TRAPPC9: variants seen among roughly 807,000 people sequenced by gnomAD.
TRAPPC9 encodes the protein IKK2 binding protein.
Under a neutral mutation model 124.0 loss-of-function variants are expected in TRAPPC9, and 83 were observed. The ratio of observed to expected loss-of-function variants is 0.67; its 90% CI spans 0.56 to 0.80. The LOEUF (loss-of-function observed/expected upper bound fraction) is 0.80. Ranked by LOEUF, TRAPPC9 falls within the 30% of genes least tolerant of loss-of-function variation. The pLI is 0.00. For synonymous variants in TRAPPC9, 638 were observed against 617.5 expected, an observed-to-expected ratio of 1.03 and a Z score of -0.49; for missense variants, 1,302 against 1,508.3, an observed-to-expected ratio of 0.86 and a Z score of 2.27.
chr8:140,197,699 CT>C (rs966724401), intron 17 of TRAPPC9, among the ~76,000 whole-genome samples: 43 of 152,096 alleles, frequency 2.8e-4, no homozygotes, highest in African/African-American at 9.9e-4. Flanking sequence ...CTCCCTGTTG[CT>C]TTTTAAAACA....
chr8:140,135,644 G>A lies in TRAPPC9; in HGVS notation c.2556+85815C>T, dbSNP rs142865711. 1.9e-3 allele frequency among the ~76,000 whole-genome samples: 287 copies of A among 152,330 alleles called. 1 individual carries two copies. The highest frequency in any genetic ancestry group is 6.5e-3 in the African/African-American group (271 of 41,578). On this transcript the variant is annotated intron_variant, in intron 17 of 22. Coordinates refer to ENST00000438773, the MANE Select transcript of TRAPPC9 (RefSeq NM_001160372.4). ...CCAGGTGCTAGGAGTATGGAAGAAC[G>A]AGGAATTATTGCTTCGTGGATACAG...
At position 140,297,408 on chromosome 8, in the gene TRAPPC9, TACACATATACACACGCATACAC is replaced by T. The variant is rs1211619368; in HGVS notation, c.1768+3039_1768+3060del. On this transcript the variant is annotated intron_variant, in intron 11 of 22. Transcript: ENST00000438773. ...ACATGCATACACACATACAGATGCA[TACACATATACACACGCATACAC>T]ACACATACACACATACAGATACACA... 2.0e-5 allele frequency among the ~76,000 whole-genome samples: 3 copies of T among 151,782 alleles called. No individual in the cohort carries two copies. The East Asian group carries it at 5.8e-4, about 29-fold the overall frequency.
intron 19 of TRAPPC9, among the ~76,000 whole-genome samples, chr8:139,943,161 G>C (rs1013152175): frequency 1.3e-5 from 2 of 152,208 alleles, no homozygotes; most frequent in African/African-American, 4.8e-5. Context: ...CCGCCACCTG[G>C]GTTCAAGCGA....
At chr8:140,196,628 TCAA>T (rs1264380399) in intron 17 of TRAPPC9, among the ~76,000 whole-genome samples, 2 of 135,674 alleles carry the variant, frequency 1.5e-5, no homozygotes, top group African/African-American at 5.7e-5. Flanking sequence ...ACTAAAACAC[TCAA>T]CAATCCACTG....
chr8:139,879,276 T>C (rs1209993349), intron 21 of TRAPPC9, among the ~76,000 whole-genome samples: 1 of 152,054 alleles, frequency 6.6e-6, no homozygotes, highest in Non-Finnish European at 1.5e-5. Context: ...GAGGAGTGGG[T>C]GGGTCCGAGA....
At chr8:140,349,158 TGGGGGCGCACGAAGGAA>T (rs1173137244) in intron 9 of TRAPPC9, among the ~76,000 whole-genome samples, 25 of 25,616 alleles carry the variant, frequency 9.8e-4, no homozygotes, top group African/African-American at 3.2e-3. Flanking sequence ...CGGGGGCCGA[TGGGGGCGCACGAAGGAA>T]GGACACACCA....
intron 21 of TRAPPC9, among the ~76,000 whole-genome samples, chr8:139,837,771 C>T (rs1826454768): frequency 6.6e-6 from 1 of 152,204 alleles, no homozygotes; most frequent in South Asian, 2.1e-4. Flanking sequence ...CCAGGAGCCC[C>T]TCGGCCCTCC....
At chr8:140,255,840 C>A (rs1469693118) in intron 15 of TRAPPC9, among the ~76,000 whole-genome samples, 1 of 152,166 alleles carries the variant, frequency 6.6e-6, no homozygotes, top group East Asian at 1.9e-4. Flanking sequence ...GAGTCAAGGT[C>A]GCGCCACTAC....
intron 17 of TRAPPC9, among the ~76,000 whole-genome samples, chr8:140,206,777 A>T (rs576989757): frequency 9.2e-5 from 14 of 151,450 alleles, no homozygotes; most frequent in East Asian, 1.9e-4. Flanking sequence ...ATATATATTT[A>T]AAAAGCCCGT....
At chr8:139,842,580 G>A (rs998741144) in intron 21 of TRAPPC9, among the ~76,000 whole-genome samples, 13 of 151,018 alleles carry the variant, frequency 8.6e-5, no homozygotes, top group East Asian at 2.0e-4. Flanking sequence ...ATCAACATCC[G>A]CTCTCGCCTT....
chr8:140,025,428 A>G (rs921417557), intron 17 of TRAPPC9, among the ~76,000 whole-genome samples: 13 of 152,356 alleles, frequency 8.5e-5, no homozygotes, highest in African/African-American at 3.1e-4. Context: ...TGCGGCTGGC[A>G]AAGCTTAAAA....
intron 17 of TRAPPC9, among the ~76,000 whole-genome samples, chr8:140,028,406 A>G (rs756708373): frequency 1.3e-5 from 2 of 152,192 alleles, no homozygotes; most frequent in Admixed American, 1.3e-4. Context: ...ACCTTTTATT[A>G]AAGAGTACCT....
intron 17 of TRAPPC9, among the ~76,000 whole-genome samples, chr8:140,045,024 T>C (rs1438642999): frequency 6.6e-6 from 1 of 152,138 alleles, no homozygotes; most frequent in African/African-American, 2.4e-5. Context: ...AGATGCAGAA[T>C]GAAGGCATAG....
chr8:140,027,282 A>G (rs535433376), intron 17 of TRAPPC9, among the ~76,000 whole-genome samples: 59 of 152,308 alleles, frequency 3.9e-4, no homozygotes, highest in Admixed American at 2.0e-3. Context: ...AAGCCAACCA[A>G]CCACCTAACA....
chr8:139,879,349 C>A (rs887570905), intron 21 of TRAPPC9, among the ~76,000 whole-genome samples: 6 of 152,210 alleles, frequency 3.9e-5, no homozygotes, highest in African/African-American at 1.4e-4. Flanking sequence ...GATGTGGACC[C>A]TGCACCACAC....
chr8:140,102,069 C>T (rs2060590326), intron 17 of TRAPPC9, among the ~76,000 whole-genome samples: 1 of 151,980 alleles, frequency 6.6e-6, no homozygotes, highest in African/African-American at 2.4e-5. Flanking sequence ...GTTTTATATG[C>T]TGTTTTGTTG....
chr8:139,995,881 A>C (rs1837932895), intron 18 of TRAPPC9, among the ~76,000 whole-genome samples: 1 of 150,780 alleles, frequency 6.6e-6, no homozygotes, highest in Non-Finnish European at 1.5e-5. Context: ...AAAAAAAAAA[A>C]AAGTACCAAC....
At chr8:140,437,769 A>C (rs1279576197) in intron 3 of TRAPPC9, among the ~76,000 whole-genome samples, 1 of 152,176 alleles carries the variant, frequency 6.6e-6, no homozygotes, top group East Asian at 1.9e-4. Flanking sequence ...ACCTCAACGA[A>C]AGAACCCTGT....
chr8:139,741,810 T>G (rs1320836911), intron 21 of TRAPPC9, among the ~76,000 whole-genome samples: 1 of 152,136 alleles, frequency 6.6e-6, no homozygotes, highest in Non-Finnish European at 1.5e-5. Context: ...TCGCAGAGCA[T>G]GATGTCTCTA....
Sources: gnomAD v4.1 joint callset for allele counts (sites outside exome capture counted in the v4.1 genomes callset) on GRCh38, gnomAD v4.1.1 for gene constraint, MANE v1.5 for transcripts, NCBI Gene and HGNC (gene_info 2026-07-23, HGNC 2026-07-21) for gene names.